Variants in SORCS2 observed in about 807,000 individuals in gnomAD.
SORCS2 encodes VPS10 domain-containing receptor SorCS2.
Under a neutral mutation model 141.6 loss-of-function variants are expected in SORCS2, and 100 were observed. The ratio of observed to expected loss-of-function variants is 0.71; its 90% CI spans 0.60 to 0.83. SORCS2 has a LOEUF of 0.83. Ranked by LOEUF, SORCS2 falls within the 40% of genes least tolerant of loss-of-function variation. SORCS2 has a pLI of 0.00. For missense variants in SORCS2, 1,646 were observed against 1,560.2 expected, an observed-to-expected ratio of 1.05 and a Z score of -0.93; for synonymous variants, 789 against 676.9, an observed-to-expected ratio of 1.17 and a Z score of -2.57.
At chr4:7,562,739 T>A (rs182160583) in intron 3 of SORCS2, among the ~76,000 whole-genome samples, 2 of 152,114 alleles carry the variant, frequency 1.3e-5, no homozygotes, top group African/African-American at 4.8e-5. Flanking sequence ...CCCAGGGCAG[T>A]TTCCTTCCTT....
intron 2 of SORCS2, among the ~76,000 whole-genome samples, chr4:7,437,232 C>G (rs1289472437): frequency 6.6e-6 from 1 of 152,186 alleles, no homozygotes; most frequent in Non-Finnish European, 1.5e-5. Context: ...AGACCCCCTC[C>G]TCGGGTTTGA....
At chr4:7,524,109 T>G (rs932218828) in intron 2 of SORCS2, among the ~76,000 whole-genome samples, 2 of 151,986 alleles carry the variant, frequency 1.3e-5, no homozygotes, top group African/African-American at 2.4e-5. Context: ...GTGAATAGAG[T>G]CGCCCCCAAA....
chr4:7,640,807 G>A (rs951607493), intron 4 of SORCS2, among the ~76,000 whole-genome samples: 2 of 152,120 alleles, frequency 1.3e-5, no homozygotes, highest in East Asian at 3.9e-4. Flanking sequence ...GCCTGGCTCT[G>A]GGTAGAGCAA....
At chr4:7,393,894 C>T (rs1292108100) in intron 1 of SORCS2, among the ~76,000 whole-genome samples, 1 of 152,112 alleles carries the variant, frequency 6.6e-6, no homozygotes, top group Non-Finnish European at 1.5e-5. Flanking sequence ...GCGTGGAACC[C>T]GGGTGGTCTG....
At chr4:7,463,786 T>G (rs1729453914) in intron 2 of SORCS2, among the ~76,000 whole-genome samples, 1 of 152,192 alleles carries the variant, frequency 6.6e-6, no homozygotes, top group African/African-American at 2.4e-5. Flanking sequence ...GATTAGTGTT[T>G]CAGCAGGAGC....
intron 1 of SORCS2, among the ~76,000 whole-genome samples, chr4:7,338,421 A>AGGAT (rs71173495): frequency 0.34 from 49,868 of 148,496 alleles, 9,038 homozygotes; most frequent in African/African-American, 0.46. Context: ...GTTGGATGGA[A>AGGAT]GGATGGATGG....
At position 7,467,093 on chromosome 4, in the gene SORCS2, C is replaced by T. The variant is rs559925141; in HGVS notation, c.549-64437C>T. Among the ~76,000 whole-genome samples the T allele has an allele frequency of 2.0e-4, 30 of 152,240 alleles. No individual in the cohort carries two copies. In the East Asian group the frequency reaches 5.2e-3, roughly 27 times the overall value. ...GTTTTGTCTCAGCATCTAAAACTCC[C>T]ACCACGGTCCAGCCTGGCGTCCCCC... On this transcript the variant is annotated intron_variant, in intron 2 of 26. Transcript: ENST00000507866.
chr4:7,601,616 CAAAAAAAAA>C (rs1168678841), intron 3 of SORCS2, among the ~76,000 whole-genome samples: 1 of 45,632 alleles, frequency 2.2e-5, no homozygotes, highest in African/African-American at 7.7e-5. Context: ...AAGACTCTCT[CAAAAAAAAA>C]AAAAAAAAAA....
intron 22 of SORCS2, among the ~76,000 whole-genome samples, chr4:7,729,031 C>T (rs565914993): frequency 3.0e-4 from 46 of 152,324 alleles, no homozygotes; most frequent in African/African-American, 1.1e-3. Flanking sequence ...TAAAAGGGTC[C>T]TGGGCACTGA....
chr4:7,602,058 A>G (rs1229604534), intron 3 of SORCS2, among the ~76,000 whole-genome samples: 1 of 152,198 alleles, frequency 6.6e-6, no homozygotes, highest in Non-Finnish European at 1.5e-5. Context: ...GGAGTCTCCC[A>G]TGTCTACTTC....
At chr4:7,240,453 C>CG (rs971507471) in intron 1 of SORCS2, among the ~76,000 whole-genome samples, 2 of 152,024 alleles carry the variant, frequency 1.3e-5, no homozygotes, top group South Asian at 4.2e-4. Context: ...TCTAATTTGC[C>CG]GGGGAGCTTG....
At chr4:7,246,077 C>T (rs769274911) in intron 1 of SORCS2, among the ~76,000 whole-genome samples, 3 of 152,194 alleles carry the variant, frequency 2.0e-5, no homozygotes, top group Non-Finnish European at 4.4e-5. Flanking sequence ...CCCTGAGACT[C>T]CAGTTTAAGG....
intron 24 of SORCS2, among the ~76,000 whole-genome samples, chr4:7,733,940 A>G (rs1711927060): frequency 6.6e-6 from 1 of 152,150 alleles, no homozygotes; most frequent in Non-Finnish European, 1.5e-5. Context: ...TCTCAGCCAC[A>G]TCAGGAGCGC....
At chr4:7,577,539 G>A (rs570206622) in intron 3 of SORCS2, among the ~76,000 whole-genome samples, 17 of 150,234 alleles carry the variant, frequency 1.1e-4, no homozygotes, top group Admixed American at 8.6e-4. Context: ...GCATACAGGC[G>A]AAGTCAGCTA....
intron 2 of SORCS2, among the ~76,000 whole-genome samples, chr4:7,468,652 C>T (rs1359619811): frequency 3.9e-5 from 6 of 152,214 alleles, no homozygotes; most frequent in South Asian, 2.1e-4. Flanking sequence ...TGGCGCTTCA[C>T]CCAGCTTCAT....
intron 2 of SORCS2, among the ~76,000 whole-genome samples, chr4:7,520,003 C>T (rs1240777370): frequency 6.6e-6 from 1 of 152,168 alleles, no homozygotes; most frequent in Non-Finnish European, 1.5e-5. Flanking sequence ...CCAGGCTTAC[C>T]CCCTTCAGTG....
At chr4:7,686,687 A>C (rs1035470060) in intron 10 of SORCS2, among the ~76,000 whole-genome samples, 3 of 152,218 alleles carry the variant, frequency 2.0e-5, no homozygotes, top group Non-Finnish European at 4.4e-5. Flanking sequence ...CCACCTGTGC[A>C]GGACATCCTG....
At chr4:7,682,926 C>T (rs375762163) in intron 10 of SORCS2, 37 bp downstream of exon 10, 243 of 1,599,782 alleles carry the variant, frequency 1.5e-4, no homozygotes, top group African/African-American at 3.9e-4. Context: ...CCATCCTTGG[C>T]GTGGATGCTA....
chr4:7,556,495 G>A (rs796999633), intron 3 of SORCS2, among the ~76,000 whole-genome samples: 24 of 152,284 alleles, frequency 1.6e-4, no homozygotes, highest in African/African-American at 5.1e-4. Flanking sequence ...CACTGGCACG[G>A]ACTCAGCTGG....
Sources: gnomAD v4.1 joint callset for allele counts (sites outside exome capture counted in the v4.1 genomes callset) on GRCh38, gnomAD v4.1.1 for gene constraint, MANE v1.5 for transcripts, NCBI Gene and HGNC (gene_info 2026-07-23, HGNC 2026-07-21) for gene names.